The following ABTB2 variants were observed in gnomAD, a reference collection of about 807,000 sequenced individuals.
The protein encoded by ABTB2 is ankyrin repeat and BTB domain containing 2, also known as ankyrin repeat and BTB/POZ domain-containing protein 2.
ABTB2 carries 56 observed loss-of-function variants against 104.1 expected under a neutral mutation model. That is an observed-to-expected ratio of 0.54 (90% CI 0.43 to 0.67). The LOEUF (loss-of-function observed/expected upper bound fraction) is 0.67. Ranked by LOEUF, ABTB2 falls within the 30% of genes least tolerant of loss-of-function variation. The pLI, the probability that ABTB2 is intolerant of heterozygous loss-of-function variation, is 0.00. For synonymous variants in ABTB2, 606 were observed against 608.2 expected, an observed-to-expected ratio of 1.00 and a Z score of 0.05; for missense variants, 1,279 against 1,407.7, an observed-to-expected ratio of 0.91 and a Z score of 1.46.
intron 8 of ABTB2, 115 bp from the exon 9 acceptor site, chr11:34,164,936 G>A (rs1287733772): frequency 1.6e-6 from 2 of 1,289,040 alleles, no homozygotes. Flanking sequence ...GAATAAGTCA[G>A]TAAACCCCAC....
At chr11:34,279,684 C>T (rs1192572629) in intron 1 of ABTB2, among the ~76,000 whole-genome samples, 1 of 152,062 alleles carries the variant, frequency 6.6e-6, no homozygotes, top group African/African-American at 2.4e-5. Flanking sequence ...AGACAAAAGG[C>T]CCGACACATA....
In ABTB2 at chr11:34,180,385, G is replaced by A. The variant is rs184072985; in HGVS notation, c.1245-7078C>T. Among the ~76,000 whole-genome samples, 8 of 152,354 alleles carry A rather than the reference G, an allele frequency of 5.3e-5. No homozygotes were observed. The East Asian group carries it at 7.7e-4, about 15-fold the overall frequency. On this transcript the variant is annotated intron_variant, in intron 3 of 16. Coordinates refer to ENST00000435224, the MANE Select transcript of ABTB2 (RefSeq NM_145804.3). Reference sequence around the variant, plus strand: ...TTGGGTCATGAACGTGTGTGGTGGCGAGGGTGGGTGAGCAGAGAATTACTT... The same window carrying A: ...TTGGGTCATGAACGTGTGTGGTGGCAAGGGTGGGTGAGCAGAGAATTACTT...
Position 34,252,524 on chromosome 11 carries a change from C to T in ABTB2, c.884-47834G>A, listed in dbSNP as rs1388557775. ...ACTAGATTCCTAACCTGTGCTAGGG[C>T]ATCTCCTGTGCCACTCCCCCAACCC... On this transcript the variant is annotated intron_variant, in intron 1 of 16. Transcript: ENST00000435224. This position sits in a 1 kb window ranked among gnomAD's most constrained non-coding sequence, Gnocchi z 5.5. 1.3e-5 allele frequency among the ~76,000 whole-genome samples: 2 copies of T among 152,094 alleles called. No individual in the cohort carries two copies. The highest frequency in any genetic ancestry group is 1.9e-4 in the East Asian group (1 of 5,184).
intron 1 of ABTB2, among the ~76,000 whole-genome samples, chr11:34,306,236 A>ATTTTTTTTTTTTTTTTTTTTTTTTTTTT (rs34872949): frequency 2.8e-5 from 2 of 71,960 alleles, no homozygotes; most frequent in South Asian, 6.5e-4. Context: ...GGAAAGTTTG[A>ATTTTTTTTTTTTTTTTTTTTTTTTTTTT]TTTTTTTTTT....
At chr11:34,236,741 G>T (rs1255883885) in intron 1 of ABTB2, among the ~76,000 whole-genome samples, 1 of 152,188 alleles carries the variant, frequency 6.6e-6, no homozygotes, top group Middle Eastern at 3.2e-3. Context: ...ACAAAGAACC[G>T]AGGAGGGTAG....
intron 1 of ABTB2, among the ~76,000 whole-genome samples, chr11:34,214,905 A>AT (rs556746851): frequency 5.3e-5 from 8 of 152,226 alleles, no homozygotes; most frequent in Non-Finnish European, 1.0e-4. Flanking sequence ...TTACCAAAAA[A>AT]TGAGGGGGTA....
At chr11:34,306,556 GT>G (rs1854775297) in intron 1 of ABTB2, among the ~76,000 whole-genome samples, 1 of 151,900 alleles carries the variant, frequency 6.6e-6, no homozygotes, top group Non-Finnish European at 1.5e-5. Flanking sequence ...CTGGAAAGCT[GT>G]TTTTTAAAAA....
At chr11:34,272,249 T>C (rs1014995002) in intron 1 of ABTB2, among the ~76,000 whole-genome samples, 1 of 150,928 alleles carries the variant, frequency 6.6e-6, no homozygotes, top group Non-Finnish European at 1.5e-5. Context: ...GATTGTGGTT[T>C]GCTTTTGTTC....
intron 1 of ABTB2, among the ~76,000 whole-genome samples, chr11:34,269,640 G>A (rs1461765225): frequency 2.0e-5 from 3 of 152,232 alleles, no homozygotes; most frequent in Admixed American, 6.5e-5. Flanking sequence ...TTCATGTGTG[G>A]ACAGAGAAAT....
At chr11:34,305,530 T>A (rs1245354806) in intron 1 of ABTB2, among the ~76,000 whole-genome samples, 1 of 152,234 alleles carries the variant, frequency 6.6e-6, no homozygotes, top group Non-Finnish European at 1.5e-5. Flanking sequence ...TTGCACGTTG[T>A]ATAAACATTC....
chr11:34,195,510 T>A (rs1046917503), intron 3 of ABTB2, among the ~76,000 whole-genome samples: 4 of 152,168 alleles, frequency 2.6e-5, no homozygotes, highest in African/African-American at 9.7e-5. Flanking sequence ...AAAACAATGA[T>A]GACATAAGGA....
chr11:34,172,449 G>T (rs1230072962), intron 4 of ABTB2, among the ~76,000 whole-genome samples: 1 of 108,588 alleles, frequency 9.2e-6, no homozygotes, highest in Non-Finnish European at 1.9e-5. Context: ...TAGATAGATA[G>T]ATAGATAGAT....
At position 34,154,354 on chromosome 11, in the gene ABTB2, G is replaced by C; in HGVS notation, c.2791C>G (p.Gln931Glu). The C allele has an allele frequency of 6.2e-7, 1 of 1,613,446 alleles. No individual in the cohort carries two copies. Among genetic ancestry groups the C allele is most frequent in the Non-Finnish European group, 8.5e-7 (1 of 1,179,810 alleles). The part of the protein sequence containing the change: ...LELLSAASLF[Q>E]LDALQRHCEI... ...CAGTGCCTCTGCAGGGCATCCAGCT[G>C]GAACAGGCTGGCAGCTGACAGCAGC... The change falls in exon 16 of 17, where the codon CAG becomes GAG. Residue 931 changes from glutamine (Q) to glutamate (E), a missense_variant. Coordinates refer to ENST00000435224, the MANE Select transcript of ABTB2 (RefSeq NM_145804.3). The surrounding 1 kb of genome is among the most constrained non-coding windows in gnomAD (Gnocchi z 4.9).
rs147748547 is a variant in ABTB2, at chr11:34,234,458, C to G, written c.884-29768G>C. Among the ~76,000 whole-genome samples the G allele has an allele frequency of 1.5e-3, 228 of 152,248 alleles. 2 individuals are homozygous for G. The highest frequency in any genetic ancestry group is 5.4e-3 in the African/African-American group (225 of 41,538). On this transcript the variant is annotated intron_variant, in intron 1 of 16. Coordinates refer to ENST00000435224, the MANE Select transcript of ABTB2 (RefSeq NM_145804.3). ...ATTCCTGGGTTACTCTCACTGATAA[C>G]AAGACTAACTACTCACACCCAGGGT...
intron 1 of ABTB2, among the ~76,000 whole-genome samples, chr11:34,230,146 G>A (rs1444914511): frequency 6.6e-6 from 1 of 152,206 alleles, no homozygotes; most frequent in Non-Finnish European, 1.5e-5. Flanking sequence ...ATATGCATGC[G>A]CAAACACACC....
intron 2 of ABTB2, among the ~76,000 whole-genome samples, chr11:34,198,221 T>C (rs960773924): frequency 2.0e-5 from 3 of 152,090 alleles, no homozygotes; most frequent in African/African-American, 7.2e-5. Flanking sequence ...GGCCAGGAGT[T>C]TGAGACCAGC....
At chr11:34,172,655 G>A (rs1852900102) in intron 4 of ABTB2, among the ~76,000 whole-genome samples, 1 of 151,974 alleles carries the variant, frequency 6.6e-6, no homozygotes, top group Non-Finnish European at 1.5e-5. Flanking sequence ...GAGTATCTGT[G>A]GGCAAGCTAC....
intron 1 of ABTB2, among the ~76,000 whole-genome samples, chr11:34,222,828 T>C (rs1355146800): frequency 1.3e-5 from 2 of 152,192 alleles, no homozygotes; most frequent in African/African-American, 4.8e-5. Flanking sequence ...TCGAGTGCTT[T>C]GCACACAGAA....
intron 7 of ABTB2, 67 bp from the exon 8 acceptor site, chr11:34,165,423 T>G (rs1590204063): frequency 1.4e-6 from 2 of 1,390,942 alleles, no homozygotes; most frequent in Admixed American, 4.2e-5. Flanking sequence ...AGGGCCAGGG[T>G]GCTTTCGGGG....
Sources: allele counts gnomAD v4.1 joint callset (sites outside exome capture counted in the v4.1 genomes callset), GRCh38; gene constraint gnomAD v4.1.1; non-coding constraint Gnocchi (gnomAD v3.1); transcripts MANE v1.5; gene names NCBI Gene and HGNC (gene_info 2026-07-23, HGNC 2026-07-21).